Variants in PCGF2 observed in about 807,000 individuals in gnomAD.
PCGF2 encodes polycomb group ring finger 2, also known as polycomb group RING finger protein 2.
Under a neutral mutation model 36.1 loss-of-function variants are expected in PCGF2, and 8 were observed. That is an observed-to-expected ratio of 0.22 (90% CI 0.13 to 0.40). The LOEUF (loss-of-function observed/expected upper bound fraction) is 0.40. Among genes scored for constraint, PCGF2 ranks in the 10% least tolerant of loss-of-function variants. The probability of loss-of-function intolerance (pLI) is 1.00; values close to 1 mark genes in which losing one functional copy is unlikely to be tolerated. For synonymous variants in PCGF2, 198 were observed against 191.2 expected (o/e 1.04, Z -0.29); for missense variants, 436 against 475.9 (o/e 0.92, Z 0.78).
At chr17:38,748,909 C>T (rs1907736786), upstream of PCGF2, among the ~76,000 whole-genome samples, 1 of 152,152 alleles carries the variant, frequency 6.6e-6, no homozygotes, top group African/African-American at 2.4e-5. Context: ...CTCCCCTTGC[C>T]CCCTCGGCGG....
chr17:38,738,803 C>T lies in PCGF2; in HGVS notation c.375G>A (p.Leu125=). The change falls in exon 7 of 11, where the codon CTG becomes CTA. Residue 125 remains leucine (L), a synonymous_variant. Coordinates refer to ENST00000620225, the MANE Select transcript of PCGF2 (RefSeq NM_007144.3). ...AGAGGCTGACAATCTCATCATCACT[C>T]AGAGCCCCCTTCTCCTGCTCCAAGA... ...GEVLEQEKGA[L]SDDEIVSLSI... is the part of the protein sequence containing the mutation. 1 of 1,614,184 alleles carries T rather than the reference C, an allele frequency of 6.2e-7. No homozygotes were observed.
chr17:38,736,117 G>T lies in PCGF2; in HGVS notation c.630C>A (p.Asp210Glu). 6.3e-7 allele frequency: 1 copy of T among 1,585,612 alleles called. No individual in the cohort carries two copies. Among genetic ancestry groups the T allele is most frequent in the Non-Finnish European group, 8.6e-7 (1 of 1,165,594 alleles). The change falls in exon 10 of 11, where the codon GAC becomes GAA. Residue 210 changes from aspartate (D) to glutamate (E), a missense_variant. Transcript: ENST00000620225. ...GCCGCCAGGGGTAGATGTAGGCGAT[G>T]TCCATGAGGGTGTAGTATTCCTTCA... Reference protein sequence around the residue: ...EPLKEYYTLMDIAYIYPWRRN... With the variant: ...EPLKEYYTLMEIAYIYPWRRN...
At position 38,738,827 on chromosome 17, in the gene PCGF2, G is replaced by A; in HGVS notation, c.351C>T (p.Val117=). The stretch of plus-strand genomic sequence containing the variant: ...TCAGAGCCCCCTTCTCCTGCTCCAA[G>A]ACCTCGCCGCGGTCCTCATTGGAGC... The part of the protein sequence containing the change: ...PNGSNEDRGE[V]LEQEKGALSD... Residue 117 remains valine (V), a synonymous_variant, in exon 7 of 11, where the codon GTC becomes GTT. Transcript: ENST00000620225. 6.2e-7 allele frequency: 1 copy of A among 1,614,060 alleles called. No individual in the cohort carries two copies. The highest frequency in any genetic ancestry group is 1.1e-5 in the South Asian group (1 of 91,078).
chr17:38,740,629 G>T (rs1907140179), intron 2 of PCGF2, among the ~76,000 whole-genome samples, 187 bp from the exon 3 acceptor site: 1 of 152,180 alleles, frequency 6.6e-6, no homozygotes, highest in Non-Finnish European at 1.5e-5. Context: ...CATGGTGGTG[G>T]GCACCTGTAG....
At position 38,734,200 on chromosome 17, in the gene PCGF2, T is replaced by G. The variant is rs1906498757; in HGVS notation, c.*1023A>C. ...GGGTCAGAGCTTACAGGTTTCTGTC[T>G]TCTTGTGCTTTTAGATGCAGTTGCT... is the stretch of plus-strand genomic sequence containing the variant. On this transcript the variant is annotated 3_prime_UTR_variant, in exon 11 of 11. Coordinates refer to ENST00000620225, the MANE Select transcript of PCGF2 (RefSeq NM_007144.3). 2 of 152,514 alleles carry G rather than the reference T, an allele frequency of 1.3e-5. No homozygotes were observed. The highest frequency in any genetic ancestry group is 2.9e-5 in the Non-Finnish European group (2 of 68,108). The allele number at this position is 152,514 out of a possible 1,614,324, so 9.4% of individuals were successfully genotyped here.
chr17:38,747,497 G>C (rs1715064115), intron 2 of PCGF2, among the ~76,000 whole-genome samples: 1 of 150,384 alleles, frequency 6.6e-6, no homozygotes, highest in Non-Finnish European at 1.5e-5. Flanking sequence ...CTTCCCTAGA[G>C]CCAAACTTTC....
intron 2 of PCGF2, among the ~76,000 whole-genome samples, chr17:38,741,626 C>A (rs963418800): frequency 6.6e-6 from 1 of 152,154 alleles, no homozygotes; most frequent in Non-Finnish European, 1.5e-5. Flanking sequence ...AGCTTTGGAG[C>A]ACCTCCCTCC....
At chr17:38,738,496 C>A in intron 8 of PCGF2, 45 bp downstream of exon 8, 1 of 1,612,896 alleles carries the variant, frequency 6.2e-7, no homozygotes, top group East Asian at 2.2e-5. Flanking sequence ...CCAGGCCACT[C>A]CCTCCCAGCC....
intron 7 of PCGF2, 60 bp from the exon 8 acceptor site, chr17:38,738,655 G>A (rs1906954736): frequency 1.9e-6 from 3 of 1,555,220 alleles, no homozygotes; most frequent in Non-Finnish European, 2.6e-6. Flanking sequence ...GACCCAGGAG[G>A]ATGATCCCTC....
At chr17:38,738,644 A>C (rs1432291325) in intron 7 of PCGF2, 49 bp from the exon 8 acceptor site, 10 of 1,554,294 alleles carry the variant, frequency 6.4e-6, no homozygotes, top group Non-Finnish European at 8.8e-6. Context: ...AAGAACCAGG[A>C]GACCCAGGAG....
chr17:38,736,416 C>T (rs147296954), intron 9 of PCGF2, among the ~76,000 whole-genome samples: 1 of 152,352 alleles, frequency 6.6e-6, no homozygotes, highest in African/African-American at 2.4e-5. Context: ...CCACCATGCA[C>T]ACAGCTGTCT....
chr17:38,739,645 G>A lies in PCGF2; in HGVS notation c.150C>T (p.Asn50=). The A allele has an allele frequency of 6.2e-7, 1 of 1,614,120 alleles. No individual in the cohort carries two copies. Among genetic ancestry groups the A allele is most frequent in the Non-Finnish European group, 8.5e-7 (1 of 1,179,982 alleles). Residue 50 remains asparagine (N), a synonymous_variant, in exon 4 of 11, where the codon AAC becomes AAT. Transcript: ENST00000620225. The surrounding 1 kb of genome is among the most constrained non-coding windows in gnomAD (Gnocchi z 4.0). ...KTCIVRYLET[N]KYCPMCDVQV... ...GCACGTCACACATGGGGCAGTATTT[G>A]TTGGTCTCCAGGTAGCGCACGATGC... is the stretch of plus-strand genomic sequence containing the variant.
intron 6 of PCGF2, 97 bp from the exon 7 acceptor site, chr17:38,738,958 C>A: frequency 1.3e-6 from 2 of 1,533,632 alleles, no homozygotes; most frequent in South Asian, 2.2e-5. Context: ...AGCCCAGCCA[C>A]CTTCTGGAGA....
chr17:38,739,652 T>C lies in PCGF2; in HGVS notation c.143A>G (p.Glu48Gly). ...FCKTCIVRYL[E>G]TNKYCPMCDV... ...ACACATGGGGCAGTATTTGTTGGTC[T>C]CCAGGTAGCGCACGATGCAGGTTTT... The change falls in exon 4 of 11, where the codon GAG (glutamate) becomes GGG (glycine). Residue 48 changes from glutamate (E) to glycine (G), a missense_variant. By Grantham distance (98) the Glu-to-Gly change is moderately conservative. This residue lies in a region of PCGF2 where 189 missense variants were observed against 219.3 expected (regional missense o/e 0.86). Transcript: ENST00000620225. This position sits in a 1 kb window ranked among gnomAD's most constrained non-coding sequence, Gnocchi z 4.0. 1.2e-6 allele frequency: 2 copies of C among 1,614,036 alleles called. No individual in the cohort carries two copies. Among genetic ancestry groups the C allele is most frequent in the Non-Finnish European group, 1.7e-6 (2 of 1,179,960 alleles).
chr17:38,747,479 G>A (rs1439856597), intron 2 of PCGF2, among the ~76,000 whole-genome samples: 1 of 152,272 alleles, frequency 6.6e-6, no homozygotes, highest in Middle Eastern at 3.4e-3. Flanking sequence ...CCGGGTGGCC[G>A]CTCCCACCTT....
chr17:38,747,436 G>A (rs911841898), intron 2 of PCGF2, among the ~76,000 whole-genome samples: 1 of 152,298 alleles, frequency 6.6e-6, no homozygotes, highest in East Asian at 1.9e-4. Flanking sequence ...GCTTCCCCAG[G>A]AGCCCATGTC....
intron 2 of PCGF2, among the ~76,000 whole-genome samples, chr17:38,744,677 TG>T (rs758630025): frequency 2.0e-4 from 30 of 152,212 alleles, no homozygotes; most frequent in Non-Finnish European, 3.7e-4. Context: ...TTTTAACCAG[TG>T]TCTTTCTGGA....
chr17:38,737,843 C>T (rs964396861), intron 9 of PCGF2, among the ~76,000 whole-genome samples: 5 of 139,460 alleles, frequency 3.6e-5, no homozygotes, highest in African/African-American at 1.1e-4. Context: ...ATCCGGTAGG[C>T]GGAGGTTGCA....
chr17:38,738,580 C>G lies in PCGF2; in HGVS notation c.441G>C (p.Lys147Asn), dbSNP rs774898974. The G allele has an allele frequency of 6.3e-7, 1 of 1,581,410 alleles. No homozygotes were observed. The highest frequency in any genetic ancestry group is 8.6e-7 in the Non-Finnish European group (1 of 1,163,574). Residue 147 changes from lysine (K) to asparagine (N), a missense_variant, in exon 8 of 11, where the codon AAG (lysine) becomes AAC (asparagine). Lys to Asn is a moderately conservative substitution (Grantham distance 94, BLOSUM62 0). Coordinates refer to ENST00000620225, the MANE Select transcript of PCGF2 (RefSeq NM_007144.3). ...FYEGARDRDE[K>N]KGPLENGDGD... ...CATCCCCATTCTCCAGGGGGCCCTTCTTCTCGTCCCGGTCCCTGGGGACGG... is the reference window on the plus strand; with the variant it reads ...CATCCCCATTCTCCAGGGGGCCCTTGTTCTCGTCCCGGTCCCTGGGGACGG...
Sources: allele counts gnomAD v4.1 joint callset (sites outside exome capture counted in the v4.1 genomes callset), GRCh38; gene constraint gnomAD v4.1.1; regional missense constraint gnomAD v4.1.1; non-coding constraint Gnocchi (gnomAD v3.1); transcripts MANE v1.5; gene names NCBI Gene and HGNC (gene_info 2026-07-23, HGNC 2026-07-21).